The following CDH2 variants were observed in gnomAD, a reference collection of about 807,000 sequenced individuals.
CDH2 encodes cadherin 2, also known as cadherin-2.
A neutral mutation model predicts 92.0 loss-of-function variants in CDH2; 17 were observed. The observed-to-expected ratio is 0.18, with a 90% CI of 0.13 to 0.28. The LOEUF (loss-of-function observed/expected upper bound fraction) is 0.28, where lower values mean the gene tolerates loss of function less well. Among genes scored for constraint, CDH2 ranks in the 10% least tolerant of loss-of-function variants. The probability of loss-of-function intolerance (pLI) is 1.00; values close to 1 mark genes in which losing one functional copy is unlikely to be tolerated. For missense variants in CDH2, 862 were observed against 1,133.1 expected, an observed-to-expected ratio of 0.76 and a Z score of 3.44; for synonymous variants, 419 against 415.9, an observed-to-expected ratio of 1.01 and a Z score of -0.09.
At chr18:27,941,207 T>C (rs1414730290) in intron 6 of CDH2, among the ~76,000 whole-genome samples, 1 of 151,918 alleles carries the variant, frequency 6.6e-6, no homozygotes, top group African/African-American at 2.4e-5. Context: ...AGCTAATTTT[T>C]TGTATTTTTA....
At chr18:28,041,192 T>C (rs1256376293) in intron 2 of CDH2, among the ~76,000 whole-genome samples, 2 of 152,226 alleles carry the variant, frequency 1.3e-5, no homozygotes, top group Admixed American at 1.3e-4. Flanking sequence ...ATTATAAATT[T>C]AGAAAATAAT....
chr18:28,083,146 G>A (rs540263526), intron 2 of CDH2, among the ~76,000 whole-genome samples: 2 of 152,222 alleles, frequency 1.3e-5, no homozygotes, highest in South Asian at 4.2e-4. Context: ...TGGAGACACA[G>A]ATAGTATAAT....
intron 2 of CDH2, among the ~76,000 whole-genome samples, chr18:28,111,236 GCCTTCTCCTCTGT>G (rs1263282749): frequency 6.6e-6 from 1 of 152,192 alleles, no homozygotes; most frequent in Non-Finnish European, 1.5e-5. Flanking sequence ...CTTAGCCTCA[GCCTTCTCCTCTGT>G]CCCGGAGCCC....
At chr18:27,945,323 A>ATTTTTTTTTTTTTTTTTTTTTTTTTTTTT (rs66537834) in intron 6 of CDH2, among the ~76,000 whole-genome samples, 5 of 66,458 alleles carry the variant, frequency 7.5e-5, no homozygotes, top group African/African-American at 2.4e-4. Context: ...AGGAAGGAAG[A>ATTTTTTTTTTTTTTTTTTTTTTTTTTTTT]TTTTTTTTTT....
In CDH2 at chr18:27,992,766, G is replaced by A. The variant is rs1293931704; in HGVS notation, c.1233C>T (p.Pro411=). 7 of 1,613,844 alleles carry A rather than the reference G, an allele frequency of 4.3e-6. No homozygotes were observed. In the Admixed American group the frequency reaches 5.0e-5, roughly 12 times the overall value. ...ANLTVTDKDQ[P]HTPAWNAVYR... ...ACACTGCGTTCCAGGCTGGTGTATG[G>A]GGTTGATCCTTATCGGTCACAGTTA... Residue 411 remains proline (P), a synonymous_variant, in exon 9 of 16, where the codon CCC becomes CCT. Transcript: ENST00000269141.
At chr18:28,015,093 G>A (rs539344624) in intron 2 of CDH2, among the ~76,000 whole-genome samples, 1 of 152,178 alleles carries the variant, frequency 6.6e-6, no homozygotes, top group African/African-American at 2.4e-5. Context: ...AAGGATCTAA[G>A]TAAAGTGTTT....
chr18:28,074,541 C>T (rs1280375862), intron 2 of CDH2, among the ~76,000 whole-genome samples: 4 of 151,922 alleles, frequency 2.6e-5, no homozygotes, highest in African/African-American at 2.4e-5. Context: ...CCACCACGCC[C>T]GGACGGGTCT....
At chr18:28,013,613 G>A (rs956818185) in intron 3 of CDH2, 70 bp downstream of exon 3, 9 of 1,079,446 alleles carry the variant, frequency 8.3e-6, no homozygotes, top group African/African-American at 1.6e-5. Context: ...CTGAAGCAAA[G>A]CATATATTTA....
chr18:27,995,705 A>G (rs927195443), intron 7 of CDH2, among the ~76,000 whole-genome samples: 1 of 152,236 alleles, frequency 6.6e-6, no homozygotes, highest in African/African-American at 2.4e-5. Context: ...TATTGGAATT[A>G]GTAGCTAATA....
At chr18:27,992,450 A>G (rs1440264712) in intron 9 of CDH2, among the ~76,000 whole-genome samples, 1 of 152,220 alleles carries the variant, frequency 6.6e-6, no homozygotes, top group Non-Finnish European at 1.5e-5. Context: ...CACATCAGTG[A>G]TGATGTGAGA....
chr18:27,953,231 G>T (rs568813293), intron 15 of CDH2, among the ~76,000 whole-genome samples: 9 of 152,100 alleles, frequency 5.9e-5, no homozygotes, highest in African/African-American at 2.2e-4. Context: ...TTCTTATAAA[G>T]AATTTTAAGA....
intron 3 of CDH2, among the ~76,000 whole-genome samples, chr18:28,012,677 C>G (rs2013134702): frequency 6.6e-6 from 1 of 152,198 alleles, no homozygotes; most frequent in African/African-American, 2.4e-5. Flanking sequence ...ACAAAAGCAT[C>G]TTTTCACTCC....
chr18:27,984,806 C>G (rs1232897037), intron 13 of CDH2, among the ~76,000 whole-genome samples, 194 bp downstream of exon 13: 1 of 152,214 alleles, frequency 6.6e-6, no homozygotes, highest in Non-Finnish European at 1.5e-5. Flanking sequence ...TTGCAAACAT[C>G]AAGTGCTTGA....
chr18:28,118,163 A>G (rs1374966965), intron 2 of CDH2, among the ~76,000 whole-genome samples: 1 of 152,026 alleles, frequency 6.6e-6, no homozygotes, highest in Non-Finnish European at 1.5e-5. Context: ...CGAATCCTTC[A>G]AAAGTTATCT....
At chr18:28,125,033 G>A (rs1020608302) in intron 2 of CDH2, among the ~76,000 whole-genome samples, 4 of 152,144 alleles carry the variant, frequency 2.6e-5, no homozygotes, top group African/African-American at 9.7e-5. Context: ...AAGACCTTAC[G>A]TACTTTTTAG....
At chr18:28,169,590 T>C (rs553320086) in intron 1 of CDH2, among the ~76,000 whole-genome samples, 1 of 152,190 alleles carries the variant, frequency 6.6e-6, no homozygotes, top group African/African-American at 2.4e-5. Flanking sequence ...CCAATTAATG[T>C]TTTTAATTAC....
In CDH2 at chr18:28,043,890, A is replaced by ATTTTTTTTTTTTTTTTT. The variant is rs67532914; in HGVS notation, c.173-29998_173-29982dup. 1.5e-4 allele frequency among the ~76,000 whole-genome samples: 14 copies of ATTTTTTTTTTTTTTTTT among 91,464 alleles called. 3 individuals carry two copies. The highest frequency in any genetic ancestry group is 3.0e-4 in the Non-Finnish European group (14 of 46,002). The allele number at this position is 91,464 out of a possible 152,430, so 60.0% of individuals were successfully genotyped here. A position where few individuals can be genotyped will look rare whatever the true frequency, so the allele number is the denominator to read the frequency against. On this transcript the variant is annotated intron_variant, in intron 2 of 15. Transcript: ENST00000269141. ...AGTCTCATCTTTCTCAGAATCTCGG[A>ATTTTTTTTTTTTTTTTT]TTTTTTTTTTTTTTTTTTTTTTTTT...
chr18:27,940,479 C>A (rs1338225133), intron 6 of CDH2, among the ~76,000 whole-genome samples: 1 of 152,142 alleles, frequency 6.6e-6, no homozygotes, highest in Non-Finnish European at 1.5e-5. Flanking sequence ...TTCCTGGATG[C>A]CTCTTATTGT....
At position 28,156,705 on chromosome 18, in the gene CDH2, CAGCATGTCACCTTCCCAGGTAT is replaced by C. The variant is rs1568020619; in HGVS notation, c.61-8943_61-8922del. Among the ~76,000 whole-genome samples, 471 of 86,130 alleles carry C rather than the reference CAGCATGTCACCTTCCCAGGTAT, an allele frequency of 5.5e-3. 47 individuals carry two copies. The highest frequency in any genetic ancestry group is 0.025 in the African/African-American group (388 of 15,590). The allele number at this position is 86,130 out of a possible 152,430, so 56.5% of individuals were successfully genotyped here. A position where few individuals can be genotyped will look rare whatever the true frequency, so the allele number is the denominator to read the frequency against. On this transcript the variant is annotated intron_variant, in intron 1 of 15. Transcript: ENST00000269141. ...GTACAGCATGTCACCTTCCCAGGTA[CAGCATGTCACCTTCCCAGGTAT>C]AGCATGTCACCTTCCCAGGTATAGC... is the stretch of plus-strand genomic sequence containing the variant.
Sources: gnomAD v4.1 joint callset for allele counts (sites outside exome capture counted in the v4.1 genomes callset) on GRCh38, gnomAD v4.1.1 for gene constraint, MANE v1.5 for transcripts, NCBI Gene and HGNC (gene_info 2026-07-23, HGNC 2026-07-21) for gene names.